Variants in ATF7 observed in about 807,000 individuals in gnomAD.
ATF7 encodes cyclic AMP-dependent transcription factor ATF-7.
A neutral mutation model predicts 50.4 loss-of-function variants in ATF7; 10 were observed. That is an observed-to-expected ratio of 0.20 (90% CI 0.12 to 0.34). ATF7 has a LOEUF of 0.34. Among genes scored for constraint, ATF7 ranks in the 10% least tolerant of loss-of-function variants. The probability of loss-of-function intolerance (pLI) is 1.00; values close to 1 mark genes in which losing one functional copy is unlikely to be tolerated. For synonymous variants in ATF7, 201 were observed against 226.4 expected, an observed-to-expected ratio of 0.89 and a Z score of 1.01; for missense variants, 465 against 613.9, an observed-to-expected ratio of 0.76 and a Z score of 2.56.
chr12:53,596,461 A>G (rs1349845102), intron 2 of ATF7, among the ~76,000 whole-genome samples: 1 of 152,202 alleles, frequency 6.6e-6, no homozygotes, highest in Non-Finnish European at 1.5e-5. Flanking sequence ...TGATAAGCTG[A>G]TATGACCAGC....
intron 2 of ATF7, among the ~76,000 whole-genome samples, chr12:53,585,980 C>T (rs1166170636): frequency 2.6e-5 from 4 of 152,212 alleles, no homozygotes; most frequent in Non-Finnish European, 4.4e-5. Context: ...CTGCCAAGAG[C>T]AGCTATGTAT....
intron 2 of ATF7, among the ~76,000 whole-genome samples, chr12:53,583,585 C>A (rs1185279051): frequency 6.6e-6 from 1 of 152,040 alleles, no homozygotes; most frequent in African/African-American, 2.4e-5. Context: ...TCCAGGAAAC[C>A]AGTCCCTGGT....
intron 3 of ATF7, among the ~76,000 whole-genome samples, chr12:53,551,555 GC>G (rs1940353581): frequency 6.6e-6 from 1 of 152,174 alleles, no homozygotes; most frequent in African/African-American, 2.4e-5. Flanking sequence ...TAGCAAATGT[GC>G]CTGGTGTATA....
intron 2 of ATF7, among the ~76,000 whole-genome samples, chr12:53,579,090 C>CA (rs933092644): frequency 2.0e-5 from 3 of 151,398 alleles, no homozygotes; most frequent in African/African-American, 4.9e-5. Context: ...TAAAAAAATA[C>CA]AAAAAAAATT....
At chr12:53,570,075 C>T (rs1043489579) in intron 2 of ATF7, among the ~76,000 whole-genome samples, 32 of 152,140 alleles carry the variant, frequency 2.1e-4, no homozygotes, top group African/African-American at 6.0e-4. Context: ...AACCTGACCT[C>T]AGGCTTCCTC....
intron 1 of ATF7, among the ~76,000 whole-genome samples, chr12:53,622,894 G>C (rs977010468): frequency 6.6e-6 from 1 of 152,168 alleles, no homozygotes; most frequent in African/African-American, 2.4e-5. Flanking sequence ...TTGAGGCCAA[G>C]AGTCCTAGTT....
chr12:53,543,272 A>G, intron 4 of ATF7, 58 bp downstream of exon 4: 1 of 1,552,382 alleles, frequency 6.4e-7, no homozygotes, highest in Non-Finnish European at 8.7e-7. Context: ...CCAAAGCACA[A>G]TAAAAATAGC....
intron 2 of ATF7, among the ~76,000 whole-genome samples, chr12:53,553,557 C>T (rs1032399559): frequency 2.4e-4 from 37 of 152,170 alleles, no homozygotes; most frequent in Admixed American, 5.9e-4. Flanking sequence ...GCTCCTACCC[C>T]TTCTTAAAAG....
chr12:53,532,664 A>T (rs759695104), intron 7 of ATF7, 41 bp from the exon 8 acceptor site: 5 of 1,395,936 alleles, frequency 3.6e-6, no homozygotes, highest in Non-Finnish European at 4.9e-6. Flanking sequence ...AGAAGGGAAC[A>T]TAATACCATC....
chr12:53,611,452 A>AAAAC (rs76059775), intron 1 of ATF7, among the ~76,000 whole-genome samples: 27,394 of 151,676 alleles, frequency 0.18, 3,017 homozygotes, highest in East Asian at 0.56. Flanking sequence ...ACTCTATCGC[A>AAAAC]AAACAAACAA....
chr12:53,589,693 AAT>A (rs1942863788), intron 2 of ATF7, among the ~76,000 whole-genome samples: 1 of 152,202 alleles, frequency 6.6e-6, no homozygotes, highest in African/African-American at 2.4e-5. Context: ...GTAAAGAGAC[AAT>A]ATCTCTATGA....
At chr12:53,560,197 C>T (rs1299640376) in intron 2 of ATF7, among the ~76,000 whole-genome samples, 1 of 152,086 alleles carries the variant, frequency 6.6e-6, no homozygotes, top group Non-Finnish European at 1.5e-5. Flanking sequence ...GCTGGGATTA[C>T]AGGCATGAGC....
chr12:53,573,080 C>T (rs1324352540), intron 2 of ATF7, among the ~76,000 whole-genome samples: 7 of 139,222 alleles, frequency 5.0e-5, no homozygotes, highest in African/African-American at 2.8e-5. Flanking sequence ...CCACTGTACC[C>T]GGCCAAAAAA....
downstream of ATF7, among the ~76,000 whole-genome samples, chr12:53,511,769 A>G (rs893622966): frequency 1.3e-5 from 2 of 152,226 alleles, no homozygotes; most frequent in Non-Finnish European, 2.9e-5. Flanking sequence ...AGCACATACT[A>G]AGTTTCCTGT....
intron 2 of ATF7, among the ~76,000 whole-genome samples, chr12:53,587,934 C>T (rs1461542732): frequency 6.7e-6 from 1 of 150,026 alleles, no homozygotes; most frequent in Non-Finnish European, 1.5e-5. Flanking sequence ...GCAACCTCTG[C>T]CTCCCAGGTT....
intron 11 of ATF7, among the ~76,000 whole-genome samples, chr12:53,517,899 C>G (rs1315430271): frequency 6.6e-6 from 1 of 152,166 alleles, no homozygotes; most frequent in African/African-American, 2.4e-5. Flanking sequence ...GAGTCTTGCT[C>G]TGTTGCCCAG....
At position 53,601,029 on chromosome 12, in the gene ATF7, G is replaced by A; in HGVS notation, c.-21-8C>T. 6.2e-7 allele frequency: 1 copy of A among 1,603,626 alleles called. No homozygotes were observed. The highest frequency in any genetic ancestry group is 1.3e-5 in the African/African-American group (1 of 74,458). Reference sequence around the variant, plus strand: ...TCATATAGCAGAGAGGAGCTGAGGAGGGGGAGGTGAGGGAAAAAGTTATGT... The same window carrying A: ...TCATATAGCAGAGAGGAGCTGAGGAAGGGGAGGTGAGGGAAAAAGTTATGT... On this transcript the variant is annotated splice_polypyrimidine_tract_variant and splice_region_variant and intron_variant, in intron 1 of 11. Coordinates refer to ENST00000420353, the MANE Select transcript of ATF7 (RefSeq NM_006856.3).
At chr12:53,562,413 G>A (rs1387272987) in intron 2 of ATF7, among the ~76,000 whole-genome samples, 1 of 152,190 alleles carries the variant, frequency 6.6e-6, no homozygotes, top group Non-Finnish European at 1.5e-5. Context: ...GCCGAGGCGG[G>A]CAGATCACCT....
chr12:53,523,370 T>C lies in ATF7; in HGVS notation c.1140A>G (p.Leu380=), dbSNP rs1348518628. 1 of 1,611,038 alleles carries C rather than the reference T, an allele frequency of 6.2e-7. No individual in the cohort carries two copies. The highest frequency in any genetic ancestry group is 2.2e-5 in the East Asian group (1 of 44,858). The part of the protein sequence containing the change: ...QNIQLSNEVT[L]LRNEVAQLKQ... ...TCAACTGGGCCACCTCATTGCGTAG[T>C]AATGTGACTTCATTCTGAGGAGGGA... Residue 380 remains leucine, a synonymous_variant, in exon 11 of 12, where the codon TTA becomes TTG. Transcript: ENST00000420353.
Sources: gnomAD v4.1 joint callset for allele counts (sites outside exome capture counted in the v4.1 genomes callset) on GRCh38, gnomAD v4.1.1 for gene constraint, MANE v1.5 for transcripts, NCBI Gene and HGNC (gene_info 2026-07-23, HGNC 2026-07-21) for gene names.